The following ECHDC3 variants were observed in gnomAD, a reference collection of about 807,000 sequenced individuals.
ECHDC3 encodes the protein enoyl-CoA hydratase domain containing 3, also known as enoyl-CoA hydratase domain-containing protein 3, mitochondrial.
In ECHDC3, 20 loss-of-function variants were observed where a neutral mutation model predicts 17.9. The observed-to-expected ratio is 1.12, with a 90% CI of 0.79 to 1.63. ECHDC3 has a LOEUF of 1.63. ECHDC3 is among the 40% of genes most tolerant of loss of function. The probability of loss-of-function intolerance (pLI) is 0.00; values close to 1 mark genes in which losing one functional copy is unlikely to be tolerated. For synonymous variants in ECHDC3, 177 were observed against 149.7 expected (o/e 1.18, Z -1.33); for missense variants, 407 against 357.7 (o/e 1.14, Z -1.11).
At chr10:11,758,573 C>T (rs1041793784) in intron 4 of ECHDC3, among the ~76,000 whole-genome samples, 4 of 152,202 alleles carry the variant, frequency 2.6e-5, no homozygotes, top group African/African-American at 7.2e-5. Context: ...AGACAGGCTG[C>T]GTTTTAGCAG....
chr10:11,746,588 C>G (rs1170000259), intron 1 of ECHDC3, among the ~76,000 whole-genome samples: 1 of 151,964 alleles, frequency 6.6e-6, no homozygotes, highest in Non-Finnish European at 1.5e-5. Context: ...TCAAAACATC[C>G]CATGTACCCC....
At chr10:11,743,459 G>A (rs570627623) in intron 1 of ECHDC3, among the ~76,000 whole-genome samples, 1 of 152,386 alleles carries the variant, frequency 6.6e-6, no homozygotes, top group African/African-American at 2.4e-5. Context: ...GGGGTAGAGA[G>A]CCAGCCCGTG....
chr10:11,749,290 A>C (rs1456850897), intron 2 of ECHDC3, among the ~76,000 whole-genome samples: 5 of 152,238 alleles, frequency 3.3e-5, no homozygotes, highest in Admixed American at 1.3e-4. Flanking sequence ...GCACCTAAAA[A>C]ATGCCTCGCC....
intron 3 of ECHDC3, among the ~76,000 whole-genome samples, chr10:11,751,023 A>G (rs761721678): frequency 1.3e-5 from 2 of 152,214 alleles, no homozygotes; most frequent in Non-Finnish European, 2.9e-5. Flanking sequence ...GTTAGAGCCG[A>G]GACCTGGGTC....
rs1355409206 is a variant in ECHDC3, at chr10:11,749,607, C to T, written c.390+15C>T. 13 of 1,612,520 alleles carry T rather than the reference C, an allele frequency of 8.1e-6. No individual in the cohort carries two copies. Among genetic ancestry groups the T allele is most frequent in the East Asian group, 2.2e-5 (1 of 44,886 alleles). On this transcript the variant is annotated intron_variant, in intron 3 of 4. Transcript: ENST00000379215. ...CCTGTTCCAAGGTAAGCCAAGACGA[C>T]AGTCGACAGTGCAAACCTGCAAATG...
Position 11,755,088 on chromosome 10 carries a change from A to G in ECHDC3, c.391-320A>G, listed in dbSNP as rs1440623367. Among the ~76,000 whole-genome samples the G allele has an allele frequency of 2.6e-5, 4 of 152,360 alleles. No homozygotes were observed. In the South Asian group the frequency reaches 6.2e-4, roughly 24 times the overall value. On this transcript the variant is annotated intron_variant, in intron 3 of 4. Coordinates refer to ENST00000379215, the MANE Select transcript of ECHDC3 (RefSeq NM_024693.5). ...GTAATCTGAGCACTTTGGGAGGCCA[A>G]GGTGGGTGGATCATTTGAGGTCAGG...
chr10:11,742,473 TCGAGTTCC>T lies in ECHDC3; in HGVS notation c.-103_-96del. ...GGGTCTCGGCCACCGTCGAGTTCCG[TCGAGTTCC>T]GTCCCGGCCCTGCTCACAGCAGCGC... On this transcript the variant is annotated 5_prime_UTR_variant, in exon 1 of 5. Coordinates refer to ENST00000379215, the MANE Select transcript of ECHDC3 (RefSeq NM_024693.5). The T allele has an allele frequency of 2.6e-6, 3 of 1,137,316 alleles. No homozygotes were observed. The highest frequency in any genetic ancestry group is 4.2e-5 in the South Asian group (1 of 23,870). 70.5% of individuals were successfully genotyped at this position (1,137,316 alleles called of 1,614,324 possible). A position where few individuals can be genotyped will look rare whatever the true frequency, so the allele number is the denominator to read the frequency against.
rs542506040 is a variant in ECHDC3 at position 11,753,121 on chromosome 10, C to G, written c.391-2287C>G. On this transcript the variant is annotated intron_variant, in intron 3 of 4. Coordinates refer to ENST00000379215, the MANE Select transcript of ECHDC3 (RefSeq NM_024693.5). ...TTAGGCCGGTCACAGTGGCTCACAT[C>G]TGTAATCCCAGCGCTTTGGGAGGCC... Among the ~76,000 whole-genome samples the G allele has an allele frequency of 1.1e-4, 16 of 152,298 alleles. No homozygotes were observed. In the South Asian group the frequency reaches 3.3e-3, roughly 32 times the overall value.
intron 3 of ECHDC3, 43 bp downstream of exon 3, chr10:11,749,635 C>A (rs1397132019): frequency 2.5e-6 from 4 of 1,585,188 alleles, no homozygotes; most frequent in Non-Finnish European, 3.5e-6. Flanking sequence ...TGCAAATGAT[C>A]ATTACATTAA....
In ECHDC3 at chr10:11,747,388, G is replaced by T; in HGVS notation, c.210G>T (p.Leu70Phe). The T allele has an allele frequency of 6.2e-7, 1 of 1,614,014 alleles. No homozygotes were observed. Reference sequence around the variant, plus strand: ...GCAATCCCAAGAAGAGGAACGCGTTGTCACTTGCAATGCTGAAGTCTCTCC... The same window carrying T: ...GCAATCCCAAGAAGAGGAACGCGTTTTCACTTGCAATGCTGAAGTCTCTCC... ...VLSNPKKRNALSLAMLKSLQS... is the reference protein window; with the variant it reads ...VLSNPKKRNAFSLAMLKSLQS... The change falls in exon 2 of 5, where the codon TTG (leucine) becomes TTT (phenylalanine). Residue 70 changes from leucine (L) to phenylalanine (F), a missense_variant. By Grantham distance (22) the Leu-to-Phe change is conservative (BLOSUM62 0). Coordinates refer to ENST00000379215, the MANE Select transcript of ECHDC3 (RefSeq NM_024693.5).
In ECHDC3 at chr10:11,760,673, T is replaced by TCACCC. The variant is rs1224998103; in HGVS notation, c.592-2549_592-2548insCCCCA. On this transcript the variant is annotated intron_variant, in intron 4 of 4. Coordinates refer to ENST00000379215, the MANE Select transcript of ECHDC3 (RefSeq NM_024693.5). The stretch of plus-strand genomic sequence containing the variant: ...CTGAGTTCCCCAAGAGCCGCCTGTG[T>TCACCC]CAGTGGAGGGTAAGTGGCTGGGAGG... 6.6e-5 allele frequency among the ~76,000 whole-genome samples: 10 copies of TCACCC among 152,312 alleles called. No individual in the cohort carries two copies. The East Asian group carries it at 1.9e-3, about 29-fold the overall frequency.
Position 11,749,565 on chromosome 10 carries a change from T to C in ECHDC3, c.363T>C (p.His121=), listed in dbSNP as rs374956993. ...CAGAGGAGCAAGGCCGTGATTACCATGCCGAAGTATTTCAGACCTGTTCCA... is the reference window on the plus strand; with the variant it reads ...CAGAGGAGCAAGGCCGTGATTACCACGCCGAAGTATTTCAGACCTGTTCCA... The part of the protein sequence containing the change: ...ELTEEQGRDY[H]AEVFQTCSKV... Residue 121 remains histidine (H), a synonymous_variant, in exon 3 of 5, where the codon CAT becomes CAC. Transcript: ENST00000379215. The C allele has an allele frequency of 1.1e-5, 17 of 1,613,996 alleles. No homozygotes were observed. In the African/African-American group the frequency reaches 2.0e-4, roughly 19 times the overall value.
intron 4 of ECHDC3, among the ~76,000 whole-genome samples, chr10:11,760,751 A>T (rs1386461218): frequency 1.3e-5 from 2 of 152,232 alleles, no homozygotes; most frequent in Admixed American, 6.5e-5. Context: ...CACGCAGTTC[A>T]GGGGCAGAGA....
At chr10:11,760,500 A>C (rs1314763148) in intron 4 of ECHDC3, among the ~76,000 whole-genome samples, 2 of 152,142 alleles carry the variant, frequency 1.3e-5, no homozygotes, top group Admixed American at 6.5e-5. Flanking sequence ...TCCAGCTCTG[A>C]CTCCATTCTT....
intron 2 of ECHDC3, among the ~76,000 whole-genome samples, 200 bp from the exon 3 acceptor site, chr10:11,749,295 C>A (rs1019272977): frequency 1.3e-5 from 2 of 152,200 alleles, no homozygotes; most frequent in African/African-American, 4.8e-5. Context: ...TAAAAAATGC[C>A]TCGCCTTGCA....
rs138998008 is a variant in ECHDC3, at chr10:11,758,366, A to G, written c.591+2758A>G. ...GCCAGTGCCTCAAGCAGCCGGCCTCACTGGAGAGCACGTGGGAAATGAGAA... is the reference window on the plus strand; with the variant it reads ...GCCAGTGCCTCAAGCAGCCGGCCTCGCTGGAGAGCACGTGGGAAATGAGAA... On this transcript the variant is annotated intron_variant, in intron 4 of 4. Coordinates refer to ENST00000379215, the MANE Select transcript of ECHDC3 (RefSeq NM_024693.5). Among the ~76,000 whole-genome samples, 968 of 152,298 alleles carry G rather than the reference A, an allele frequency of 6.4e-3. 7 individuals carry two copies. The highest frequency in any genetic ancestry group is 0.022 in the African/African-American group (897 of 41,572).
chr10:11,756,554 C>T (rs1300823832), intron 4 of ECHDC3, among the ~76,000 whole-genome samples: 1 of 152,058 alleles, frequency 6.6e-6, no homozygotes, highest in Non-Finnish European at 1.5e-5. Context: ...TTGCAGTGCC[C>T]CTTTGTTAGT....
At position 11,744,554 on chromosome 10, in the gene ECHDC3, A is replaced by G. The variant is rs548389889; in HGVS notation, c.170+1808A>G. Among the ~76,000 whole-genome samples, 5 of 151,938 alleles carry G rather than the reference A, an allele frequency of 3.3e-5. No homozygotes were observed. In the South Asian group the frequency reaches 8.3e-4, roughly 25 times the overall value. On this transcript the variant is annotated intron_variant, in intron 1 of 4. Transcript: ENST00000379215. ...CATCTCTTACCTTGACACTTATCACATGCTCTGGTGGTGACCTCATTCTTA... is the reference window on the plus strand; with the variant it reads ...CATCTCTTACCTTGACACTTATCACGTGCTCTGGTGGTGACCTCATTCTTA...
intron 3 of ECHDC3, among the ~76,000 whole-genome samples, chr10:11,754,421 T>TG (rs1291403400): frequency 6.6e-6 from 1 of 152,168 alleles, no homozygotes; most frequent in Non-Finnish European, 1.5e-5. Context: ...GTTCTGGAAA[T>TG]GTATTGGTTG....
Sources: gnomAD v4.1 joint callset for allele counts (sites outside exome capture counted in the v4.1 genomes callset) on GRCh38, gnomAD v4.1.1 for gene constraint, MANE v1.5 for transcripts, NCBI Gene and HGNC (gene_info 2026-07-23, HGNC 2026-07-21) for gene names.